Variants in PTPRZ1 observed in about 807,000 individuals in gnomAD.
PTPRZ1 encodes the protein receptor-type tyrosine-protein phosphatase zeta.
PTPRZ1 carries 82 observed loss-of-function variants against 214.1 expected under a neutral mutation model. That is an observed-to-expected ratio of 0.38 (90% confidence interval 0.32 to 0.46). PTPRZ1 has a LOEUF of 0.46. PTPRZ1 is among the 20% of genes least tolerant of loss of function. The pLI is 1.00. For missense variants in PTPRZ1, 2,603 were observed against 2,748.7 expected, an observed-to-expected ratio of 0.95 and a Z score of 1.19; for synonymous variants, 945 against 987.9, an observed-to-expected ratio of 0.96 and a Z score of 0.81.
intron 13 of PTPRZ1, among the ~76,000 whole-genome samples, chr7:122,023,513 T>TATATAAAATTATA (rs1799089940): frequency 9.1e-6 from 1 of 110,140 alleles, no homozygotes; most frequent in African/African-American, 4.5e-5. Flanking sequence ...ATGTATAATT[T>TATATAAAATTATA]TATATATAAT....
chr7:122,032,300 T>C (rs1799403176), intron 15 of PTPRZ1, among the ~76,000 whole-genome samples: 1 of 152,206 alleles, frequency 6.6e-6, no homozygotes, highest in Non-Finnish European at 1.5e-5. Flanking sequence ...TTCACCCATC[T>C]CTGGGAATTA....
chr7:121,900,305 A>T (rs546682402), intron 1 of PTPRZ1, among the ~76,000 whole-genome samples: 4 of 152,302 alleles, frequency 2.6e-5, no homozygotes, highest in Admixed American at 1.3e-4. Flanking sequence ...CTCACCCTTT[A>T]CAACAGAATA....
rs760942438 is a variant in PTPRZ1 at position 122,011,090 on chromosome 7, C to A, written c.2044C>A (p.Arg682Ser). The A allele has an allele frequency of 1.9e-6, 3 of 1,613,964 alleles. No individual in the cohort carries two copies. In the Admixed American group the frequency reaches 5.0e-5, roughly 27 times the overall value. ...TCTCCAGACTAATTACACTGAGATA[C>A]GTGTTGATGAATCTGAGAAGACAAC... ...SFLQTNYTEI[R>S]VDESEKTTKS... The change falls in exon 12 of 30, where the codon CGT becomes AGT. Residue 682 changes from arginine (R) to serine (S), a missense_variant. Physicochemically the swap from Arg to Ser is moderately radical, Grantham distance 110. Around this residue, in one of 6 missense-constraint regions of PTPRZ1, gnomAD observed 1,913 missense variants for 1,914.3 expected, o/e 1.00. Transcript: ENST00000393386.
At chr7:121,921,139 T>A (rs1394923373) in intron 1 of PTPRZ1, among the ~76,000 whole-genome samples, 1 of 151,312 alleles carries the variant, frequency 6.6e-6, no homozygotes, top group African/African-American at 2.4e-5. Flanking sequence ...ATTATTAATA[T>A]GTTTTAACAA....
chr7:121,997,894 T>C lies in PTPRZ1; in HGVS notation c.1128T>C (p.Asn376=). The C allele has an allele frequency of 6.2e-7, 1 of 1,607,488 alleles. No homozygotes were observed. Among genetic ancestry groups the C allele is most frequent in the Non-Finnish European group, 8.5e-7 (1 of 1,174,768 alleles). ...DGYQDLGAIL[N]NLLPNMSYVL... ...CTTTCTTTTAGGGTGCTATTCTCAA[T>C]AATTTGCTACCCAATATGAGTTATG... Residue 376 remains asparagine (N), a synonymous_variant, in exon 10 of 30, where the codon AAT becomes AAC. Coordinates refer to ENST00000393386, the MANE Select transcript of PTPRZ1 (RefSeq NM_002851.3).
At chr7:121,991,269 T>C (rs1361291222) in intron 8 of PTPRZ1, among the ~76,000 whole-genome samples, 1 of 152,188 alleles carries the variant, frequency 6.6e-6, no homozygotes, top group Non-Finnish European at 1.5e-5. Context: ...CATGTGTATA[T>C]ATGGACAGCC....
chr7:121,914,115 A>G (rs1334561583), intron 1 of PTPRZ1, among the ~76,000 whole-genome samples: 1 of 152,206 alleles, frequency 6.6e-6, no homozygotes, highest in African/African-American at 2.4e-5. Context: ...GGAGTTCAAG[A>G]GCAGCCTGGG....
intron 2 of PTPRZ1, among the ~76,000 whole-genome samples, chr7:121,936,091 A>G (rs1796079053): frequency 6.6e-6 from 1 of 152,214 alleles, no homozygotes; most frequent in African/African-American, 2.4e-5. Context: ...TTCATGCATC[A>G]GTAAGGGCCT....
rs761199902 is a variant in PTPRZ1 at position 121,873,483 on chromosome 7, C to A, written c.-17C>A. ...AGCAGAGGAGCCGCACGGCGAGGGGCCGCAGACCGTCTGGAAATGCGAATC... is the reference window on the plus strand; with the variant it reads ...AGCAGAGGAGCCGCACGGCGAGGGGACGCAGACCGTCTGGAAATGCGAATC... On this transcript the variant is annotated 5_prime_UTR_variant, in exon 1 of 30. Transcript: ENST00000393386. The A allele has an allele frequency of 1.2e-6, 2 of 1,613,574 alleles. No homozygotes were observed. Among genetic ancestry groups the A allele is most frequent in the South Asian group, 2.2e-5 (2 of 91,028 alleles).
intron 13 of PTPRZ1, among the ~76,000 whole-genome samples, chr7:122,025,719 G>C (rs1799190906): frequency 6.6e-6 from 1 of 152,126 alleles, no homozygotes; most frequent in Non-Finnish European, 1.5e-5. Flanking sequence ...GGCTGATTAG[G>C]AAATGAAAGG....
chr7:121,923,216 G>A lies in PTPRZ1; in HGVS notation c.59-4940G>A, dbSNP rs578258534. 4.6e-5 allele frequency among the ~76,000 whole-genome samples: 7 copies of A among 152,172 alleles called. No homozygotes were observed. The East Asian group carries it at 1.4e-3, about 29-fold the overall frequency. On this transcript the variant is annotated intron_variant, in intron 1 of 29. Transcript: ENST00000393386. The stretch of plus-strand genomic sequence containing the variant: ...CTCTTCTTTGTCAGTCTTCTTCAAG[G>A]TCTTTAATGGTTCATCTCTAATTCT...
intron 2 of PTPRZ1, among the ~76,000 whole-genome samples, chr7:121,960,893 A>G (rs1796855322): frequency 1.3e-5 from 2 of 152,018 alleles, no homozygotes; most frequent in South Asian, 4.2e-4. Flanking sequence ...TCAAATATGT[A>G]TAGCACATGA....
intron 1 of PTPRZ1, among the ~76,000 whole-genome samples, chr7:121,885,295 C>T (rs887766902): frequency 2.0e-5 from 3 of 152,100 alleles, no homozygotes; most frequent in East Asian, 3.8e-4. Context: ...TGCTATTTTG[C>T]GACAAAGGTA....
chr7:122,038,235 A>G (rs1799607514), intron 18 of PTPRZ1, among the ~76,000 whole-genome samples: 1 of 152,180 alleles, frequency 6.6e-6, no homozygotes, highest in Non-Finnish European at 1.5e-5. Context: ...AATCCATATT[A>G]TGCCCATAAA....
intron 23 of PTPRZ1, among the ~76,000 whole-genome samples, chr7:122,048,177 TA>T (rs1449593065): frequency 1.3e-5 from 2 of 152,026 alleles, no homozygotes; most frequent in African/African-American, 4.8e-5. Context: ...TCTTTAGAAT[TA>T]AAGGTCAAAA....
chr7:122,029,007 A>C (rs1441849646), intron 14 of PTPRZ1, among the ~76,000 whole-genome samples: 2 of 152,030 alleles, frequency 1.3e-5, no homozygotes, highest in Non-Finnish European at 2.9e-5. Flanking sequence ...AGATTAAGTC[A>C]ATGCAGAAAA....
intron 2 of PTPRZ1, among the ~76,000 whole-genome samples, chr7:121,937,544 AAG>A (rs1796121426): frequency 6.6e-6 from 1 of 152,010 alleles, no homozygotes; most frequent in Non-Finnish European, 1.5e-5. Context: ...CCTCTTCTGA[AAG>A]AGGCAGAAAT....
rs1328986808 is a variant in PTPRZ1 at position 121,873,460 on chromosome 7, C to G, written c.-40C>G. 1 of 1,607,552 alleles carries G rather than the reference C, an allele frequency of 6.2e-7. No homozygotes were observed. Among genetic ancestry groups the G allele is most frequent in the African/African-American group, 1.3e-5 (1 of 74,942 alleles). On this transcript the variant is annotated 5_prime_UTR_variant, in exon 1 of 30. Coordinates refer to ENST00000393386, the MANE Select transcript of PTPRZ1 (RefSeq NM_002851.3). ...CCCCCTCCCTCTCCACTCTGAGAAG[C>G]AGAGGAGCCGCACGGCGAGGGGCCG...
At chr7:121,880,128 T>C (rs550181634) in intron 1 of PTPRZ1, among the ~76,000 whole-genome samples, 1 of 152,302 alleles carries the variant, frequency 6.6e-6, no homozygotes, top group Non-Finnish European at 1.5e-5. Flanking sequence ...TCCAGTGTGG[T>C]AAAATGGGCT....
Sources: allele counts gnomAD v4.1 joint callset (sites outside exome capture counted in the v4.1 genomes callset), GRCh38; gene constraint gnomAD v4.1.1; regional missense constraint gnomAD v4.1.1; transcripts MANE v1.5; gene names NCBI Gene and HGNC (gene_info 2026-07-23, HGNC 2026-07-21).